The following PLXDC2 variants were observed in gnomAD, a reference collection of about 807,000 sequenced individuals.
PLXDC2 encodes the protein plexin domain containing 2.
PLXDC2 carries 40 observed loss-of-function variants against 68.9 expected under a neutral mutation model. The observed-to-expected ratio is 0.58, with a 90% confidence interval of 0.45 to 0.76. The LOEUF (loss-of-function observed/expected upper bound fraction) is 0.76. Among genes scored for constraint, PLXDC2 ranks in the 30% least tolerant of loss-of-function variants. The pLI is 0.00. For synonymous variants in PLXDC2, 243 were observed against 234.2 expected (o/e 1.04, Z -0.34); for missense variants, 644 against 661.9 (o/e 0.97, Z 0.30).
intron 3 of PLXDC2, among the ~76,000 whole-genome samples, chr10:20,049,713 C>A (rs575327867): frequency 1.6e-4 from 24 of 151,998 alleles, no homozygotes; most frequent in African/African-American, 5.5e-4. Context: ...TCAGAGAAGA[C>A]ACAAACAAAT....
chr10:20,155,423 A>G (rs7093700), intron 6 of PLXDC2, among the ~76,000 whole-genome samples: 35,017 of 152,066 alleles, frequency 0.23, 5,532 homozygotes, highest in African/African-American at 0.44. Context: ...GTGTGAATAT[A>G]GTGTATACAG....
At chr10:20,279,094 T>A (rs368555909) in intron 13 of PLXDC2, among the ~76,000 whole-genome samples, 8 of 152,308 alleles carry the variant, frequency 5.3e-5, no homozygotes, top group Admixed American at 4.6e-4. Flanking sequence ...GATAATAGAT[T>A]CCATTTTTAG....
chr10:20,161,473 A>G (rs1250598137), intron 6 of PLXDC2, among the ~76,000 whole-genome samples: 1 of 149,704 alleles, frequency 6.7e-6, no homozygotes, highest in Non-Finnish European at 1.5e-5. Context: ...TTTTGCTTCA[A>G]GCTTCCTGCT....
At chr10:19,928,749 CT>C (rs796581734) in intron 1 of PLXDC2, among the ~76,000 whole-genome samples, 2,503 of 105,192 alleles carry the variant, frequency 0.024, 38 homozygotes, top group African/African-American at 0.079. Context: ...GAAGATAGGA[CT>C]TTTTTTTTTT....
chr10:19,889,102 T>C (rs7918519), intron 1 of PLXDC2, among the ~76,000 whole-genome samples: 37,376 of 151,898 alleles, frequency 0.25, 4,965 homozygotes, highest in East Asian at 0.36. Flanking sequence ...TTTTGACCCA[T>C]TGCTTTGTTG....
chr10:20,220,321 C>G (rs920216803), intron 12 of PLXDC2, among the ~76,000 whole-genome samples: 5 of 151,962 alleles, frequency 3.3e-5, no homozygotes, highest in Non-Finnish European at 7.4e-5. Context: ...GACATAAGCC[C>G]TATGTTGGGG....
chr10:20,250,039 G>A (rs932879078), intron 13 of PLXDC2, among the ~76,000 whole-genome samples: 6 of 152,052 alleles, frequency 3.9e-5, no homozygotes, highest in African/African-American at 9.7e-5. Context: ...AGGCCAAGGC[G>A]GGCAGATCAC....
At chr10:20,160,842 A>C (rs868597722) in intron 6 of PLXDC2, among the ~76,000 whole-genome samples, 4 of 152,164 alleles carry the variant, frequency 2.6e-5, no homozygotes, top group African/African-American at 9.7e-5. Context: ...TTTATCTGAA[A>C]TCTGGGCATG....
intron 1 of PLXDC2, among the ~76,000 whole-genome samples, chr10:19,902,411 G>GTATTT (rs1331977774): frequency 2.6e-4 from 40 of 151,992 alleles, no homozygotes; most frequent in East Asian, 3.9e-4. Context: ...ACATTCCTAA[G>GTATTT]TATTTTATTT....
chr10:20,056,981 A>G (rs1486069679), intron 3 of PLXDC2, among the ~76,000 whole-genome samples: 1 of 152,078 alleles, frequency 6.6e-6, no homozygotes, highest in Non-Finnish European at 1.5e-5. Context: ...TAAAAGGGAG[A>G]CCCCTGAACC....
At chr10:20,036,783 TA>T (rs1835585475) in intron 2 of PLXDC2, among the ~76,000 whole-genome samples, 1 of 152,200 alleles carries the variant, frequency 6.6e-6, no homozygotes, top group African/African-American at 2.4e-5. Context: ...TTATTCCGTT[TA>T]TATAGAAAAT....
chr10:19,877,813 G>A (rs1028785680), intron 1 of PLXDC2, among the ~76,000 whole-genome samples: 3 of 152,238 alleles, frequency 2.0e-5, no homozygotes, highest in African/African-American at 7.2e-5. Context: ...TTATTTCAGT[G>A]CTTGAAGTAT....
At chr10:20,097,200 C>T (rs1564314052) in intron 4 of PLXDC2, among the ~76,000 whole-genome samples, 1 of 152,016 alleles carries the variant, frequency 6.6e-6, no homozygotes, top group Admixed American at 6.6e-5. Flanking sequence ...TCTTATTTCA[C>T]CAAGAAATAG....
At chr10:20,182,759 A>G (rs1413061563) in intron 9 of PLXDC2, among the ~76,000 whole-genome samples, 2 of 151,778 alleles carry the variant, frequency 1.3e-5, no homozygotes, top group African/African-American at 4.8e-5. Context: ...TACATGTGCC[A>G]TGGTGGTTTG....
intron 13 of PLXDC2, among the ~76,000 whole-genome samples, chr10:20,246,021 T>C (rs1256645321): frequency 6.6e-6 from 1 of 152,214 alleles, no homozygotes; most frequent in East Asian, 1.9e-4. Flanking sequence ...GTATGTGCTG[T>C]TGCCATTTTG....
intron 1 of PLXDC2, among the ~76,000 whole-genome samples, chr10:19,942,760 C>A (rs2131399187): frequency 6.6e-6 from 1 of 152,256 alleles, no homozygotes; most frequent in Admixed American, 6.5e-5. Context: ...GAGCAAGACC[C>A]TGTCTCAAAA....
At chr10:19,959,524 CTG>C (rs990122831) in intron 1 of PLXDC2, among the ~76,000 whole-genome samples, 1 of 152,130 alleles carries the variant, frequency 6.6e-6, no homozygotes, top group African/African-American at 2.4e-5. Context: ...TGTATGCTGA[CTG>C]TGTGTTAAGA....
intron 12 of PLXDC2, among the ~76,000 whole-genome samples, chr10:20,228,095 A>G (rs1835310347): frequency 6.6e-6 from 1 of 152,198 alleles, no homozygotes; most frequent in African/African-American, 2.4e-5. Context: ...AGTGAATTTA[A>G]TTTGAGCATG....
At chr10:20,214,013 C>T (rs1835103852) in intron 10 of PLXDC2, among the ~76,000 whole-genome samples, 2 of 152,094 alleles carry the variant, frequency 1.3e-5, no homozygotes, top group African/African-American at 2.4e-5. Context: ...ACTCTCCCTT[C>T]ATCTTGTTTA....
Sources: gnomAD v4.1 joint callset for allele counts (sites outside exome capture counted in the v4.1 genomes callset) on GRCh38, gnomAD v4.1.1 for gene constraint, MANE v1.5 for transcripts, NCBI Gene and HGNC (gene_info 2026-07-23, HGNC 2026-07-21) for gene names.